The following KLRG2 variants were observed in gnomAD, a reference collection of about 807,000 sequenced individuals.
KLRG2 encodes killer cell lectin-like receptor subfamily G member 2.
A neutral mutation model predicts 35.4 loss-of-function variants in KLRG2; 39 were observed. The observed-to-expected ratio is 1.10, with a 90% CI of 0.85 to 1.44. The LOEUF is 1.44. Among genes scored for constraint, KLRG2 ranks in the 40% most tolerant of loss-of-function variants. The pLI is 0.00. For missense variants in KLRG2, 632 were observed against 570.9 expected (o/e 1.11, Z -1.09); for synonymous variants, 283 against 265.8 (o/e 1.06, Z -0.63).
At chr7:139,463,870 G>T (rs1280286364) in intron 3 of KLRG2, among the ~76,000 whole-genome samples, 1 of 152,064 alleles carries the variant, frequency 6.6e-6, no homozygotes, top group Non-Finnish European at 1.5e-5. Context: ...CAATACTGAG[G>T]CTACCCACTC....
At chr7:139,445,781 G>GTGTGTATATATATATATA in the KLRG2 span, among the ~76,000 whole-genome samples, 9 of 98,486 alleles carry the variant, frequency 9.1e-5, no homozygotes, top group African/African-American at 4.6e-4. Flanking sequence ...ATATATATAT[G>GTGTGTATATATATATATA]TATATATATA....
chr7:139,432,544 ACC>A, the KLRG2 span, among the ~76,000 whole-genome samples: 689 of 100,844 alleles, frequency 6.8e-3, 5 homozygotes, highest in Middle Eastern at 0.016. Flanking sequence ...TGATTGCAGG[ACC>A]CCCCCCCCCC....
At chr7:139,473,888 A>C (rs2116468523) in intron 3 of KLRG2, among the ~76,000 whole-genome samples, 1 of 152,354 alleles carries the variant, frequency 6.6e-6, no homozygotes, top group African/African-American at 2.4e-5. Flanking sequence ...TAAATGAAGA[A>C]GAAAAAGGCC....
At chr7:139,441,212 G>A in the KLRG2 span, among the ~76,000 whole-genome samples, 4 of 152,302 alleles carry the variant, frequency 2.6e-5, no homozygotes, top group African/African-American at 9.6e-5. Context: ...TAGCAGACTT[G>A]GAACCAACCC....
At chr7:139,456,452 G>A (rs776961946) in intron 3 of KLRG2, among the ~76,000 whole-genome samples, 21 of 152,102 alleles carry the variant, frequency 1.4e-4, no homozygotes, top group African/African-American at 4.1e-4. Context: ...TGCAACCACC[G>A]TCTCCCGTGT....
Position 139,474,014 on chromosome 7 carries a change from CT to C in KLRG2, c.1005+5612del, listed in dbSNP as rs751172556. ...GAACTGGGAATCAGAGTGGCTCAGA[CT>C]TTTTTTTTTTTTTTTTTTTGGAGAC... On this transcript the variant is annotated intron_variant, in intron 3 of 4. Transcript: ENST00000340940. 1.7e-3 allele frequency among the ~76,000 whole-genome samples: 223 copies of C among 129,922 alleles called. 1 individual carries two copies. Among genetic ancestry groups the C allele is most frequent in the East Asian group, 4.3e-3 (19 of 4,456 alleles). The allele number at this position is 129,922 out of a possible 152,430, so 85.2% of individuals were successfully genotyped here.
At chr7:139,441,109 C>A in the KLRG2 span, among the ~76,000 whole-genome samples, 2 of 152,170 alleles carry the variant, frequency 1.3e-5, no homozygotes, top group South Asian at 4.1e-4. Context: ...AGTTAGGCAT[C>A]AATCCCATTA....
Position 139,483,638 on chromosome 7 carries a change from TC to T in KLRG2, c.4del (p.Glu2ArgfsTer125). The T allele has an allele frequency of 6.6e-7, 1 of 1,517,978 alleles. No homozygotes were observed. The allele number at this position is 1,517,978 out of a possible 1,614,324, so 94.0% of individuals were successfully genotyped here. A position where few individuals can be genotyped will look rare whatever the true frequency, so the allele number is the denominator to read the frequency against. On this transcript the variant is annotated frameshift_variant, in exon 1 of 5. Transcript: ENST00000340940. LOFTEE classifies it high-confidence loss of function. ...TCCGGGCGCAGCCTCCCAAGACTCC[TC>T]CATCCCGCGCGCCCCGCCACCCGGA... Reference protein sequence around the residue: MEESWEAAPGGQ... With the variant: MXESWEAAPGGQ...
chr7:139,480,604 C>T (rs1796940677), intron 1 of KLRG2, among the ~76,000 whole-genome samples: 1 of 151,120 alleles, frequency 6.6e-6, no homozygotes, highest in Admixed American at 6.6e-5. Context: ...TGCCACCATG[C>T]CCGGCTAATT....
At chr7:139,469,469 A>AT (rs1241200490) in intron 3 of KLRG2, among the ~76,000 whole-genome samples, 1 of 151,422 alleles carries the variant, frequency 6.6e-6, no homozygotes, top group South Asian at 2.1e-4. Flanking sequence ...CTACTTATTT[A>AT]TTTTTTGAGA....
At chr7:139,429,370 TTTTC>T in the KLRG2 span, among the ~76,000 whole-genome samples, 3 of 136,710 alleles carry the variant, frequency 2.2e-5, no homozygotes, top group Non-Finnish European at 3.2e-5. Context: ...ATATGGGTGT[TTTTC>T]TTTTTCTTTT....
intron 3 of KLRG2, among the ~76,000 whole-genome samples, chr7:139,460,628 A>G (rs1028304888): frequency 1.3e-5 from 2 of 151,380 alleles, no homozygotes; most frequent in Admixed American, 6.6e-5. Flanking sequence ...ACAACACTGC[A>G]CTCCAGCCTG....
intron 3 of KLRG2, among the ~76,000 whole-genome samples, chr7:139,469,851 G>A (rs1445552257): frequency 2.0e-5 from 3 of 152,340 alleles, no homozygotes; most frequent in Middle Eastern, 3.4e-3. Flanking sequence ...CCGGCCATGC[G>A]TTCCGCACCC....
intron 3 of KLRG2, among the ~76,000 whole-genome samples, chr7:139,478,386 A>C (rs1796893133): frequency 6.8e-6 from 1 of 146,608 alleles, no homozygotes; most frequent in East Asian, 2.0e-4. Context: ...AAAAAAGGAC[A>C]ACACTGGACG....
At chr7:139,482,854 G>A (rs1471681147) in intron 1 of KLRG2, 32 bp downstream of exon 1, 5 of 1,369,900 alleles carry the variant, frequency 3.6e-6, no homozygotes, top group Middle Eastern at 2.7e-4. Flanking sequence ...CCGACCTGGC[G>A]GCGTCGGCTG....
chr7:139,445,767 G>GTATATATATATATGTGTATATA, the KLRG2 span, among the ~76,000 whole-genome samples: 2 of 89,618 alleles, frequency 2.2e-5, no homozygotes, highest in South Asian at 2.9e-4. Flanking sequence ...ATATGTGTAT[G>GTATATATATATATGTGTATATA]TATATATATA....
At chr7:139,467,888 G>A (rs566767192) in intron 3 of KLRG2, among the ~76,000 whole-genome samples, 1 of 112,526 alleles carries the variant, frequency 8.9e-6, no homozygotes, top group East Asian at 2.0e-4. Flanking sequence ...GTTGAGACAA[G>A]AGGAAGGCAT....
At chr7:139,440,767 A>C in the KLRG2 span, among the ~76,000 whole-genome samples, 1 of 151,902 alleles carries the variant, frequency 6.6e-6, no homozygotes, top group African/African-American at 2.4e-5. Context: ...ATCTTAAAAG[A>C]CCCCATTTCC....
the KLRG2 span, among the ~76,000 whole-genome samples, chr7:139,445,776 T>C: frequency 8.3e-6 from 1 of 119,944 alleles, no homozygotes; most frequent in East Asian, 2.0e-4. Flanking sequence ...TGTATATATA[T>C]ATATGTATAT....
Sources: allele counts gnomAD v4.1 joint callset (sites outside exome capture counted in the v4.1 genomes callset), GRCh38; gene constraint gnomAD v4.1.1; transcripts MANE v1.5; gene names NCBI Gene and HGNC (gene_info 2026-07-23, HGNC 2026-07-21).